Variants in PTPRT observed in about 807,000 individuals in gnomAD.
PTPRT encodes protein tyrosine phosphatase receptor type T.
PTPRT carries 56 observed loss-of-function variants against 176.8 expected under a neutral mutation model. The observed-to-expected ratio is 0.32, with a 90% CI of 0.26 to 0.40. PTPRT has a LOEUF of 0.40. PTPRT is among the 10% of genes least tolerant of loss of function. PTPRT has a pLI of 1.00. For synonymous variants in PTPRT, 783 were observed against 739.0 expected, an observed-to-expected ratio of 1.06 and a Z score of -0.96; for missense variants, 1,540 against 1,908.2, an observed-to-expected ratio of 0.81 and a Z score of 3.60.
intron 1 of PTPRT, among the ~76,000 whole-genome samples, chr20:43,129,829 G>A (rs899208705): frequency 5.3e-5 from 8 of 151,302 alleles, no homozygotes; most frequent in South Asian, 2.1e-4. Flanking sequence ...CGTTTTAGCC[G>A]GGATGGTCTC....
At chr20:42,046,214 C>A in the PTPRT span, among the ~76,000 whole-genome samples, 3 of 152,156 alleles carry the variant, frequency 2.0e-5, no homozygotes, top group Non-Finnish European at 4.4e-5. Context: ...GTACCCCGAG[C>A]CTGCAAGTCT....
In PTPRT at chr20:42,776,446, G is replaced by A. The variant is rs113586169; in HGVS notation, c.568+3772C>T. 2.0e-3 allele frequency among the ~76,000 whole-genome samples: 302 copies of A among 152,202 alleles called. 1 individual carries two copies. Among genetic ancestry groups the A allele is most frequent in the African/African-American group, 6.8e-3 (281 of 41,542 alleles). On this transcript the variant is annotated intron_variant, in intron 4 of 30. Coordinates refer to ENST00000373187, the MANE Select transcript of PTPRT (RefSeq NM_007050.6). ...ACAGAGGAGGACATTTGAATGCACC[G>A]GGAGACACCAAAGGATTGTAAGTAC...
At chr20:43,017,280 G>C (rs1985417215) in intron 1 of PTPRT, among the ~76,000 whole-genome samples, 1 of 152,114 alleles carries the variant, frequency 6.6e-6, no homozygotes, top group Non-Finnish European at 1.5e-5. Flanking sequence ...ATTACATTCT[G>C]TGTAAAGGGG....
intron 13 of PTPRT, among the ~76,000 whole-genome samples, chr20:42,263,229 C>A (rs1331894304): frequency 6.6e-6 from 1 of 151,630 alleles, no homozygotes; most frequent in Non-Finnish European, 1.5e-5. Context: ...CTTTTCTTTT[C>A]TTTTTTTTGA....
intron 7 of PTPRT, among the ~76,000 whole-genome samples, chr20:42,625,290 A>T (rs2074269320): frequency 6.6e-6 from 1 of 152,192 alleles, no homozygotes; most frequent in African/African-American, 2.4e-5. Flanking sequence ...CCAGAGATTT[A>T]AAAAGACTTA....
chr20:43,023,105 T>C (rs1003532112), intron 1 of PTPRT, among the ~76,000 whole-genome samples: 1 of 152,126 alleles, frequency 6.6e-6, no homozygotes, highest in Non-Finnish European at 1.5e-5. Flanking sequence ...TCCTAAGAAA[T>C]ATGAAGGACC....
At chr20:42,925,386 C>T (rs1979414813) in intron 1 of PTPRT, among the ~76,000 whole-genome samples, 1 of 152,142 alleles carries the variant, frequency 6.6e-6, no homozygotes, top group African/African-American at 2.4e-5. Flanking sequence ...TGTTGCTCCC[C>T]TAGGGTTCTG....
At position 42,492,255 on chromosome 20, in the gene PTPRT, A is replaced by T. The variant is rs143032205; in HGVS notation, c.1154-19693T>A. Among the ~76,000 whole-genome samples, 1,262 of 152,330 alleles carry T rather than the reference A, an allele frequency of 8.3e-3. 10 individuals carry two copies. Among genetic ancestry groups the T allele is most frequent in the Non-Finnish European group, 0.011 (719 of 68,020 alleles). On this transcript the variant is annotated intron_variant, in intron 7 of 30. Transcript: ENST00000373187. Reference sequence around the variant, plus strand: ...GTAAGTTCATTTTTACTTATAAAATAAACAGGCAAAGTACCTTCCAGAGCG... The same window carrying T: ...GTAAGTTCATTTTTACTTATAAAATTAACAGGCAAAGTACCTTCCAGAGCG...
chr20:42,421,337 G>A (rs1336339558), intron 9 of PTPRT, among the ~76,000 whole-genome samples: 1 of 151,942 alleles, frequency 6.6e-6, no homozygotes, highest in African/African-American at 2.4e-5. Context: ...GTTGGGTGGC[G>A]GTCTCCAAAA....
intron 7 of PTPRT, among the ~76,000 whole-genome samples, chr20:42,639,053 CTTT>C (rs1187787297): frequency 6.6e-6 from 1 of 151,450 alleles, no homozygotes; most frequent in Non-Finnish European, 1.5e-5. Flanking sequence ...CCATTTGTTT[CTTT>C]AAGTTATTAA....
At chr20:42,503,736 C>T (rs2071796171) in intron 7 of PTPRT, among the ~76,000 whole-genome samples, 1 of 152,056 alleles carries the variant, frequency 6.6e-6, no homozygotes, top group African/African-American at 2.4e-5. Flanking sequence ...TATTTGTCTA[C>T]TTTGTCTGTC....
chr20:42,145,325 C>A (rs574773958), intron 17 of PTPRT, among the ~76,000 whole-genome samples: 28 of 152,196 alleles, frequency 1.8e-4, no homozygotes, highest in African/African-American at 6.3e-4. Flanking sequence ...TATGGTGAAA[C>A]CCCATCTGTA....
At chr20:42,489,103 C>T (rs2145365737) in intron 7 of PTPRT, among the ~76,000 whole-genome samples, 1 of 130,108 alleles carries the variant, frequency 7.7e-6, no homozygotes, top group African/African-American at 2.7e-5. Context: ...TATCTTTTTA[C>T]CTTTTTTTAA....
Position 42,199,220 on chromosome 20 carries a change from C to T in PTPRT, c.2491+20G>A. On this transcript the variant is annotated intron_variant, in intron 16 of 30. Coordinates refer to ENST00000373187, the MANE Select transcript of PTPRT (RefSeq NM_007050.6). ...AGCTGGACCACGGATGTCCCCTTCC[C>T]CTTTGTTGGCTCTACTTACTGAATC... The T allele has an allele frequency of 6.2e-7, 1 of 1,612,720 alleles. No individual in the cohort carries two copies. The highest frequency in any genetic ancestry group is 8.5e-7 in the Non-Finnish European group (1 of 1,179,070).
chr20:42,381,330 T>C (rs2058696719), intron 9 of PTPRT, among the ~76,000 whole-genome samples: 1 of 152,176 alleles, frequency 6.6e-6, no homozygotes, highest in African/African-American at 2.4e-5. Flanking sequence ...CCTGTTTTTA[T>C]CCAGGTAAGT....
the PTPRT span, among the ~76,000 whole-genome samples, chr20:42,054,952 C>T: frequency 2.0e-5 from 3 of 152,300 alleles, no homozygotes; most frequent in South Asian, 4.1e-4. Flanking sequence ...GAGATATACA[C>T]TGTAGAAAAG....
chr20:42,595,538 T>C (rs535152495), intron 7 of PTPRT, among the ~76,000 whole-genome samples: 60 of 152,304 alleles, frequency 3.9e-4, no homozygotes, highest in Middle Eastern at 3.4e-3. Context: ...AATCCACACC[T>C]GAGCTAAGTG....
intron 5 of PTPRT, among the ~76,000 whole-genome samples, chr20:42,767,710 T>C (rs897413603): frequency 1.4e-5 from 2 of 146,554 alleles, no homozygotes; most frequent in East Asian, 3.9e-4. Context: ...TTTTATAATA[T>C]ATATTTTATA....
intron 1 of PTPRT, among the ~76,000 whole-genome samples, chr20:43,137,925 C>T (rs1394484746): frequency 2.0e-5 from 3 of 152,220 alleles, no homozygotes; most frequent in Non-Finnish European, 4.4e-5. Flanking sequence ...GTATGGGACC[C>T]ATCTTCAGGG....
Sources: gnomAD v4.1 joint callset for allele counts (sites outside exome capture counted in the v4.1 genomes callset) on GRCh38, gnomAD v4.1.1 for gene constraint, MANE v1.5 for transcripts, NCBI Gene and HGNC (gene_info 2026-07-23, HGNC 2026-07-21) for gene names.